GLMN: variants seen among roughly 807,000 people sequenced by gnomAD.
The protein encoded by GLMN is glomulin.
Under a neutral mutation model 87.8 loss-of-function variants are expected in GLMN, and 75 were observed. The ratio of observed to expected loss-of-function variants is 0.85; its 90% CI spans 0.71 to 1.04. GLMN has a LOEUF of 1.04. Among genes scored for constraint, GLMN ranks in the 50% least tolerant of loss-of-function variants. The pLI is 0.00. For missense variants in GLMN, 588 were observed against 658.8 expected, an observed-to-expected ratio of 0.89 and a Z score of 1.18; for synonymous variants, 206 against 221.6, an observed-to-expected ratio of 0.93 and a Z score of 0.63.
At chr1:92,349,971 T>G in the GLMN span, among the ~76,000 whole-genome samples, 1 of 152,182 alleles carries the variant, frequency 6.6e-6, no homozygotes, top group Non-Finnish European at 1.5e-5. Context: ...TTTATCAATG[T>G]ATACTGATGG....
chr1:92,356,585 ATTT>A, the GLMN span, among the ~76,000 whole-genome samples: 6 of 51,796 alleles, frequency 1.2e-4, no homozygotes, highest in Middle Eastern at 0.014. Flanking sequence ...CTCCTGGCTA[ATTT>A]TTTTTTTTTT....
chr1:92,344,930 A>G, the GLMN span, among the ~76,000 whole-genome samples: 1 of 151,992 alleles, frequency 6.6e-6, no homozygotes, highest in Non-Finnish European at 1.5e-5. Flanking sequence ...TTTCTTATTG[A>G]TTTATATAAT....
chr1:92,268,351 T>C (rs1655879154), intron 9 of GLMN, among the ~76,000 whole-genome samples: 1 of 152,222 alleles, frequency 6.6e-6, no homozygotes, highest in South Asian at 2.1e-4. Flanking sequence ...AAAATAAATC[T>C]ACTCAGGGAT....
chr1:92,345,439 G>A, the GLMN span, among the ~76,000 whole-genome samples: 1 of 149,128 alleles, frequency 6.7e-6, no homozygotes, highest in Non-Finnish European at 1.5e-5. Flanking sequence ...AAGGAAGGAA[G>A]GGAGGGAGGG....
At chr1:92,347,754 T>TTA in the GLMN span, among the ~76,000 whole-genome samples, 2 of 152,180 alleles carry the variant, frequency 1.3e-5, no homozygotes, top group African/African-American at 4.8e-5. Context: ...GCTAGTCCTT[T>TTA]TAGGCACTGT....
the GLMN span, chr1:92,324,429 C>T: frequency 2.0e-5 from 26 of 1,300,182 alleles, no homozygotes; most frequent in Non-Finnish European, 2.7e-5. Flanking sequence ...GGAAAACTCA[C>T]CACAGCAAAT....
the GLMN span, among the ~76,000 whole-genome samples, chr1:92,355,344 G>A: frequency 5.9e-5 from 9 of 151,996 alleles, no homozygotes; most frequent in African/African-American, 9.7e-5. Flanking sequence ...GCAGTATGAG[G>A]GATTGGAGTA....
the GLMN span, among the ~76,000 whole-genome samples, chr1:92,319,923 G>C: frequency 6.6e-6 from 1 of 151,854 alleles, no homozygotes; most frequent in African/African-American, 2.4e-5. Context: ...ACTTGAACCC[G>C]GGAGGCAGAG....
chr1:92,346,472 TC>T, the GLMN span, among the ~76,000 whole-genome samples: 406 of 152,282 alleles, frequency 2.7e-3, 7 homozygotes, highest in East Asian at 0.051. Context: ...CCTGTTATCA[TC>T]TTGGAAAGAG....
the GLMN span, among the ~76,000 whole-genome samples, chr1:92,344,834 CT>C: frequency 6.6e-6 from 1 of 152,120 alleles, no homozygotes; most frequent in Non-Finnish European, 1.5e-5. Flanking sequence ...TGAGATTGAG[CT>C]TTTCAAATTT....
chr1:92,364,003 A>G, the GLMN span, among the ~76,000 whole-genome samples: 11 of 152,150 alleles, frequency 7.2e-5, no homozygotes, highest in Non-Finnish European at 1.6e-4. Context: ...CAGATTTTCA[A>G]CTGCATGGGG....
At chr1:92,311,466 C>T in the GLMN span, among the ~76,000 whole-genome samples, 1 of 152,152 alleles carries the variant, frequency 6.6e-6, no homozygotes, top group Non-Finnish European at 1.5e-5. Flanking sequence ...ATAATTTGAT[C>T]TCTTTAGTCT....
chr1:92,277,529 G>T (rs1286666297), intron 7 of GLMN, among the ~76,000 whole-genome samples: 5 of 152,164 alleles, frequency 3.3e-5, no homozygotes, highest in South Asian at 4.1e-4. Flanking sequence ...TGATTAGAAG[G>T]CTGGACCTTT....
chr1:92,322,978 ATAT>A, the GLMN span, among the ~76,000 whole-genome samples: 1 of 147,364 alleles, frequency 6.8e-6, no homozygotes, highest in African/African-American at 2.5e-5. Flanking sequence ...GTACAAGTAT[ATAT>A]TATATATGTA....
Position 92,262,854 on chromosome 1 carries a change from T to G in GLMN, c.1473+9A>C. 1 of 1,056,282 alleles carries G rather than the reference T, an allele frequency of 9.5e-7. No homozygotes were observed. Among genetic ancestry groups the G allele is most frequent in the Non-Finnish European group, 1.5e-6 (1 of 676,746 alleles). The allele number at this position is 1,056,282 out of a possible 1,614,324, so 65.4% of individuals were successfully genotyped here. A position where few individuals can be genotyped will look rare whatever the true frequency, so the allele number is the denominator to read the frequency against. On this transcript the variant is annotated intron_variant, in intron 16 of 18. Transcript: ENST00000370360. ...ATACTCACAGTTTCTTTTCAAATAC[T>G]TCACTTACTTGATTGTCATTTTCAT...
intron 3 of GLMN, among the ~76,000 whole-genome samples, chr1:92,293,555 C>CA (rs1338488805): frequency 6.6e-6 from 1 of 151,860 alleles, no homozygotes; most frequent in African/African-American, 2.4e-5. Context: ...GGCAGTTCCT[C>CA]AAAAAATACA....
At chr1:92,339,425 T>C in the GLMN span, among the ~76,000 whole-genome samples, 1 of 150,254 alleles carries the variant, frequency 6.7e-6, no homozygotes, top group African/African-American at 2.5e-5. Flanking sequence ...TTTTAATGGG[T>C]AGTCAAAGCT....
chr1:92,301,206 G>A (rs1011287622), upstream of GLMN, among the ~76,000 whole-genome samples: 4 of 152,160 alleles, frequency 2.6e-5, no homozygotes, highest in African/African-American at 4.8e-5. Context: ...AAATTTGGCC[G>A]GATGTGGTGG....
intron 16 of GLMN, among the ~76,000 whole-genome samples, chr1:92,257,611 A>ATCTT (rs1183972701): frequency 7.9e-5 from 12 of 152,290 alleles, no homozygotes; most frequent in Admixed American, 7.8e-4. Context: ...CAACCATCTG[A>ATCTT]TCTTTGACAA....
Sources: gnomAD v4.1 joint callset for allele counts (sites outside exome capture counted in the v4.1 genomes callset) on GRCh38, gnomAD v4.1.1 for gene constraint, MANE v1.5 for transcripts, NCBI Gene and HGNC (gene_info 2026-07-23, HGNC 2026-07-21) for gene names.